SGCD: variants seen among roughly 807,000 people sequenced by gnomAD.
The protein encoded by SGCD is delta-sarcoglycan.
SGCD carries 18 observed loss-of-function variants against 36.6 expected under a neutral mutation model. That is an observed-to-expected ratio of 0.49 (90% confidence interval 0.34 to 0.73). The LOEUF is 0.73. Among genes scored for constraint, SGCD ranks in the 30% least tolerant of loss-of-function variants. The pLI is 0.01. For missense variants in SGCD, 387 were observed against 346.7 expected, an observed-to-expected ratio of 1.12 and a Z score of -0.92; for synonymous variants, 133 against 130.6, an observed-to-expected ratio of 1.02 and a Z score of -0.12.
chr5:156,680,966 A>G (rs986835320), intron 7 of SGCD, among the ~76,000 whole-genome samples: 2 of 152,148 alleles, frequency 1.3e-5, no homozygotes, highest in African/African-American at 4.8e-5. Flanking sequence ...TGCAGGAACC[A>G]GAGTGAAGGA....
chr5:156,089,407 A>G (rs896335822), intron 1 of SGCD, among the ~76,000 whole-genome samples: 1 of 152,176 alleles, frequency 6.6e-6, no homozygotes, highest in Non-Finnish European at 1.5e-5. Context: ...TAAATCTGTA[A>G]TGCTTGACTT....
intron 7 of SGCD, among the ~76,000 whole-genome samples, chr5:156,701,480 G>T (rs542013965): frequency 7.2e-5 from 11 of 152,078 alleles, no homozygotes; most frequent in African/African-American, 2.4e-4. Flanking sequence ...TTCCACAATT[G>T]ACTGTTTATG....
chr5:155,876,421 G>A (rs1755768973), intron 1 of SGCD, among the ~76,000 whole-genome samples: 1 of 151,948 alleles, frequency 6.6e-6, no homozygotes, highest in Non-Finnish European at 1.5e-5. Flanking sequence ...ACATTGCAAA[G>A]CACCACATGA....
At chr5:155,884,637 G>A (rs963127313) in intron 1 of SGCD, among the ~76,000 whole-genome samples, 1 of 152,150 alleles carries the variant, frequency 6.6e-6, no homozygotes, top group Non-Finnish European at 1.5e-5. Flanking sequence ...AGTATATTTA[G>A]TGTTGGTATA....
intron 1 of SGCD, among the ~76,000 whole-genome samples, chr5:156,085,415 C>T (rs1057035313): frequency 1.3e-5 from 2 of 152,126 alleles, no homozygotes; most frequent in Admixed American, 1.3e-4. Context: ...CCCCACTCCC[C>T]TCTCCCTCTT....
At chr5:156,370,679 C>T (rs983222558) in intron 3 of SGCD, among the ~76,000 whole-genome samples, 1 of 152,134 alleles carries the variant, frequency 6.6e-6, no homozygotes, top group Non-Finnish European at 1.5e-5. Context: ...ATGAAATTTA[C>T]AAGACTGAAA....
intron 7 of SGCD, among the ~76,000 whole-genome samples, chr5:156,745,207 T>C (rs1472276262): frequency 6.6e-6 from 1 of 152,144 alleles, no homozygotes; most frequent in African/African-American, 2.4e-5. Context: ...CTAATCTGCC[T>C]AGTCTTCCCT....
chr5:156,695,814 G>A (rs371446608), intron 7 of SGCD, among the ~76,000 whole-genome samples: 2 of 152,184 alleles, frequency 1.3e-5, no homozygotes, highest in African/African-American at 4.8e-5. Context: ...AAACAGCATA[G>A]CTGTGTTCCA....
At chr5:156,571,846 A>T (rs1759738225) in intron 4 of SGCD, among the ~76,000 whole-genome samples, 1 of 152,210 alleles carries the variant, frequency 6.6e-6, no homozygotes, top group Non-Finnish European at 1.5e-5. Flanking sequence ...AACCATCACC[A>T]TCATCTAGTT....
chr5:156,512,522 A>G (rs759780931), intron 4 of SGCD, among the ~76,000 whole-genome samples: 4 of 152,170 alleles, frequency 2.6e-5, no homozygotes, highest in Non-Finnish European at 5.9e-5. Context: ...TGTTCATGCA[A>G]TGGCAAAATC....
intron 3 of SGCD, among the ~76,000 whole-genome samples, chr5:156,249,459 T>C (rs905989439): frequency 1.3e-5 from 2 of 152,230 alleles, no homozygotes; most frequent in Non-Finnish European, 2.9e-5. Context: ...AGTGCCCTAA[T>C]ATTCCTGCTT....
intron 3 of SGCD, among the ~76,000 whole-genome samples, chr5:156,293,874 T>G (rs79698707): frequency 0.027 from 4,078 of 152,228 alleles, 156 homozygotes; most frequent in African/African-American, 0.078. Flanking sequence ...AAAAAGATAT[T>G]CTTGAAATTT....
upstream of SGCD, among the ~76,000 whole-genome samples, chr5:156,325,582 A>G (rs1225703876): frequency 6.6e-6 from 1 of 152,220 alleles, no homozygotes; most frequent in African/African-American, 2.4e-5. Context: ...TTAGAAGGCT[A>G]GATGATATCA....
At chr5:156,241,266 G>GTGTGTGTGTA (rs1765299079) in intron 3 of SGCD, among the ~76,000 whole-genome samples, 1 of 149,776 alleles carries the variant, frequency 6.7e-6, no homozygotes, top group Admixed American at 6.6e-5. Context: ...GTGTGTGTGT[G>GTGTGTGTGTA]TGTGTGTGTG....
At chr5:156,053,468 C>T (rs1223993484) in intron 1 of SGCD, among the ~76,000 whole-genome samples, 1 of 146,120 alleles carries the variant, frequency 6.8e-6, no homozygotes, top group African/African-American at 2.5e-5. Context: ...TCCAAGCACT[C>T]AGTATGCTCC....
At chr5:156,369,477 G>GA (rs1770273735) in intron 3 of SGCD, among the ~76,000 whole-genome samples, 1 of 152,208 alleles carries the variant, frequency 6.6e-6, no homozygotes, top group Non-Finnish European at 1.5e-5. Context: ...TTGTCTAGCA[G>GA]AAGTGTATTA....
chr5:156,498,262 C>CAAAAAA (rs34586524), intron 3 of SGCD, among the ~76,000 whole-genome samples: 1 of 102,904 alleles, frequency 9.7e-6, no homozygotes, highest in South Asian at 3.4e-4. Context: ...ATTTCTCTTA[C>CAAAAAA]AAAAAAAAAA....
At chr5:156,558,401 G>C (rs189320082) in intron 4 of SGCD, among the ~76,000 whole-genome samples, 1 of 152,000 alleles carries the variant, frequency 6.6e-6, no homozygotes, top group African/African-American at 2.4e-5. Flanking sequence ...TACTGGTGAT[G>C]ATCATTTATT....
intron 7 of SGCD, among the ~76,000 whole-genome samples, chr5:156,667,588 C>A (rs933797081): frequency 1.2e-4 from 18 of 152,238 alleles, no homozygotes; most frequent in Admixed American, 1.1e-3. Flanking sequence ...TATTCAAGGG[C>A]CTTACAAAGT....
Sources: allele counts gnomAD v4.1 joint callset (sites outside exome capture counted in the v4.1 genomes callset), GRCh38; gene constraint gnomAD v4.1.1; transcripts MANE v1.5; gene names NCBI Gene and HGNC (gene_info 2026-07-23, HGNC 2026-07-21).